ATAD2: variants seen among roughly 807,000 people sequenced by gnomAD.
The protein encoded by ATAD2 is ATPase family AAA domain-containing protein 2.
In ATAD2, 62 loss-of-function variants were observed where a neutral mutation model predicts 168.9. The ratio of observed to expected loss-of-function variants is 0.37; its 90% CI spans 0.30 to 0.45. The LOEUF is 0.45. Among genes scored for constraint, ATAD2 ranks in the 20% least tolerant of loss-of-function variants. The pLI is 1.00. For synonymous variants in ATAD2, 613 were observed against 571.6 expected, an observed-to-expected ratio of 1.07 and a Z score of -1.03; for missense variants, 1,419 against 1,667.8, an observed-to-expected ratio of 0.85 and a Z score of 2.60.
chr8:123,335,107 T>A (rs1159337741), intron 22 of ATAD2, among the ~76,000 whole-genome samples: 1 of 152,290 alleles, frequency 6.6e-6, no homozygotes, highest in East Asian at 1.9e-4. Context: ...GTGATCCATA[T>A]TTTATGAAGT....
At chr8:123,344,158 C>T (rs534974581) in intron 19 of ATAD2, among the ~76,000 whole-genome samples, 2 of 152,098 alleles carry the variant, frequency 1.3e-5, no homozygotes, top group African/African-American at 4.8e-5. Flanking sequence ...AGAAAAAAAT[C>T]TGGAAAACAA....
In ATAD2 at chr8:123,337,717, TA is replaced by T; in HGVS notation, c.2958del (p.Phe986LeufsTer4). 1.9e-6 allele frequency: 3 copies of T among 1,613,990 alleles called. No homozygotes were observed. The highest frequency in any genetic ancestry group is 2.5e-6 in the Non-Finnish European group (3 of 1,179,942). ...KRLEEQEEDT[F>X]RELRIFLRNV... ...TTTCTTAAGAAAATCCTCAGTTCTC[TA>T]AATGTATCTTCTTCTTGTTCTTCTA... On this transcript the variant is annotated frameshift_variant, in exon 21 of 28. Transcript: ENST00000287394. LOFTEE classifies it high-confidence loss of function.
intron 1 of ATAD2, among the ~76,000 whole-genome samples, chr8:123,389,322 C>T (rs775958900): frequency 6.7e-6 from 1 of 149,240 alleles, no homozygotes; most frequent in African/African-American, 2.5e-5. Flanking sequence ...GCAGTCCCAA[C>T]CTCTTAGCAA....
chr8:123,371,960 A>G, intron 3 of ATAD2, 125 bp from the exon 4 acceptor site: 1 of 1,025,700 alleles, frequency 9.7e-7, no homozygotes, highest in South Asian at 2.2e-5. Context: ...TCTTAAACTT[A>G]GCTTTCTTAA....
At chr8:123,331,846 A>G (rs1340739712) in intron 24 of ATAD2, among the ~76,000 whole-genome samples, 1 of 152,188 alleles carries the variant, frequency 6.6e-6, no homozygotes, top group African/African-American at 2.4e-5. Context: ...TCACCGCATC[A>G]CACATCGTTT....
chr8:123,391,589 C>T (rs1586906290), intron 1 of ATAD2, among the ~76,000 whole-genome samples: 1 of 150,962 alleles, frequency 6.6e-6, no homozygotes, highest in Middle Eastern at 3.5e-3. Flanking sequence ...TAAAAGCAGC[C>T]TAGCCTAAGA....
intron 1 of ATAD2, chr8:123,401,456 C>T (rs1339382826): frequency 1.3e-6 from 2 of 1,484,932 alleles, no homozygotes; most frequent in Admixed American, 3.4e-5. Flanking sequence ...AGAAGTACTC[C>T]CACCTCCAGG....
chr8:123,370,476 A>G (rs1303446016), intron 6 of ATAD2, among the ~76,000 whole-genome samples: 1 of 152,262 alleles, frequency 6.6e-6, no homozygotes, highest in Middle Eastern at 3.4e-3. Context: ...TACACGCTGC[A>G]TAACTCAATC....
chr8:123,389,960 T>TTATATA (rs386360951), intron 1 of ATAD2, among the ~76,000 whole-genome samples: 4,964 of 93,898 alleles, frequency 0.053, 271 homozygotes, highest in Admixed American at 0.12. Context: ...TACTATTATT[T>TTATATA]TATATATATA....
At chr8:123,364,897 T>C (rs1828926215) in intron 8 of ATAD2, among the ~76,000 whole-genome samples, 1 of 152,128 alleles carries the variant, frequency 6.6e-6, no homozygotes, top group Non-Finnish European at 1.5e-5. Flanking sequence ...ACCACTTCTA[T>C]TCAACATAGT....
At chr8:123,343,199 C>G (rs919152502) in intron 19 of ATAD2, among the ~76,000 whole-genome samples, 1 of 151,796 alleles carries the variant, frequency 6.6e-6, no homozygotes, top group African/African-American at 2.4e-5. Flanking sequence ...TGGTCTTGAA[C>G]TCCTGATCTC....
chr8:123,335,341 C>T (rs1827885945), intron 22 of ATAD2, among the ~76,000 whole-genome samples: 1 of 152,096 alleles, frequency 6.6e-6, no homozygotes, highest in South Asian at 2.1e-4. Flanking sequence ...CTCTGAACTA[C>T]AGGGAAATGC....
intron 2 of ATAD2, among the ~76,000 whole-genome samples, chr8:123,375,356 G>A (rs189076704): frequency 1.8e-4 from 27 of 152,248 alleles, no homozygotes; most frequent in Admixed American, 1.4e-3. Context: ...TTAAAATGGC[G>A]AACACCAAAA....
At chr8:123,361,476 T>C in intron 9 of ATAD2, 63 bp downstream of exon 9, 3 of 1,389,620 alleles carry the variant, frequency 2.2e-6, no homozygotes, top group East Asian at 2.3e-5. Context: ...AATTATTCTG[T>C]TTTCTTAGCA....
intron 1 of ATAD2, among the ~76,000 whole-genome samples, chr8:123,409,778 A>C (rs1813125285): frequency 6.6e-6 from 1 of 152,016 alleles, no homozygotes; most frequent in South Asian, 2.1e-4. Flanking sequence ...TGTACTAAAA[A>C]TACAAAAATT....
intron 24 of ATAD2, among the ~76,000 whole-genome samples, chr8:123,328,798 AT>A (rs35015706): frequency 3.7e-4 from 47 of 126,888 alleles, no homozygotes; most frequent in Non-Finnish European, 5.2e-4. Flanking sequence ...TTATCTTGAA[AT>A]TTTTTTTTTT....
intron 1 of ATAD2, chr8:123,401,979 G>A: frequency 9.6e-7 from 1 of 1,043,690 alleles, no homozygotes; most frequent in Non-Finnish European, 1.5e-6. Flanking sequence ...CAGGATATCA[G>A]GGCCCGCAGC....
In ATAD2 at chr8:123,408,972, C is replaced by A. The variant is rs146787540; in HGVS notation, c.-2282+7276G>T. ...CCTCCTCAGTAGCTGGGACTACAGG[C>A]GCGTGCCACCACGCCTAGCTAATTG... is the stretch of plus-strand genomic sequence containing the variant. On this transcript the variant is annotated intron_variant, in intron 1 of 28. Transcript: ENST00000521903. 3.3e-3 allele frequency among the ~76,000 whole-genome samples: 509 copies of A among 152,064 alleles called. 7 individuals carry two copies. Among genetic ancestry groups the A allele is most frequent in the African/African-American group, 0.012 (488 of 41,478 alleles).
At chr8:123,406,025 C>T (rs1228627352) in intron 1 of ATAD2, among the ~76,000 whole-genome samples, 3 of 152,092 alleles carry the variant, frequency 2.0e-5, no homozygotes, top group Non-Finnish European at 2.9e-5. Context: ...AGCAGAAACA[C>T]AGACAAAACT....
Sources: allele counts gnomAD v4.1 joint callset (sites outside exome capture counted in the v4.1 genomes callset), GRCh38; gene constraint gnomAD v4.1.1; transcripts MANE v1.5; gene names NCBI Gene and HGNC (gene_info 2026-07-23, HGNC 2026-07-21).